ROS1: variants seen among roughly 807,000 people sequenced by gnomAD.
ROS1 encodes ROS proto-oncogene 1, receptor tyrosine kinase.
In ROS1, 263 loss-of-function variants were observed where a neutral mutation model predicts 273.5. The observed-to-expected ratio is 0.96, with a 90% CI of 0.87 to 1.06. The LOEUF (loss-of-function observed/expected upper bound fraction) is 1.06, where lower values mean the gene tolerates loss of function less well. Among genes scored for constraint, ROS1 ranks in the 50% least tolerant of loss-of-function variants. ROS1 has a pLI of 0.00. For synonymous variants in ROS1, 1,008 were observed against 954.1 expected, an observed-to-expected ratio of 1.06 and a Z score of -1.04; for missense variants, 2,833 against 2,751.1, an observed-to-expected ratio of 1.03 and a Z score of -0.67.
At chr6:117,348,248 A>G (rs1778533895) in intron 27 of ROS1, among the ~76,000 whole-genome samples, 1 of 151,966 alleles carries the variant, frequency 6.6e-6, no homozygotes, top group Non-Finnish European at 1.5e-5. Context: ...TTAATTATTG[A>G]TTCCACTTAT....
chr6:117,326,122 TATATAG>T, intron 34 of ROS1, 96 bp downstream of exon 34: 1 of 292,568 alleles, frequency 3.4e-6, no homozygotes, highest in Non-Finnish European at 5.9e-6. Context: ...TATATATATA[TATATAG>T]TCACCATTAT....
intron 3 of ROS1, among the ~76,000 whole-genome samples, chr6:117,415,657 C>T (rs1035278260): frequency 2.0e-4 from 30 of 152,160 alleles, no homozygotes; most frequent in Non-Finnish European, 4.1e-4. Flanking sequence ...AGCCAGGCTA[C>T]ATAATAAAAT....
Position 117,398,693 on chromosome 6 carries a change from A to AAAAAAAAAAAAAC in ROS1, c.605-1578_605-1577insGTTTTTTTTTTTT, listed in dbSNP as rs1554252569. ...GACCTTGTCTCAAAAAAAAAAAAAA[A>AAAAAAAAAAAAAC]AAAACTCGCGGTGACTCATGCTTGT... On this transcript the variant is annotated intron_variant, in intron 7 of 43. Transcript: ENST00000368507. 8.5e-5 allele frequency among the ~76,000 whole-genome samples: 12 copies of AAAAAAAAAAAAAC among 141,088 alleles called. 1 individual carries two copies. Among genetic ancestry groups the AAAAAAAAAAAAAC allele is most frequent in the Non-Finnish European group, 1.4e-4 (9 of 62,158 alleles). 92.6% of individuals were successfully genotyped at this position (141,088 alleles called of 152,430 possible).
At chr6:117,329,256 T>A (rs1776875506) in intron 33 of ROS1, 73 bp downstream of exon 33, 1 of 725,574 alleles carries the variant, frequency 1.4e-6, no homozygotes, top group African/African-American at 1.8e-5. Flanking sequence ...GCATAAATAG[T>A]GTTACTTTTG....
chr6:117,351,273 G>A (rs533511098), intron 27 of ROS1, among the ~76,000 whole-genome samples: 1 of 152,294 alleles, frequency 6.6e-6, no homozygotes, highest in Non-Finnish European at 1.5e-5. Context: ...GCTGGAGTGG[G>A]CTGGGGTTGG....
intron 32 of ROS1, among the ~76,000 whole-genome samples, chr6:117,333,611 C>T (rs1224173807): frequency 6.6e-6 from 1 of 152,166 alleles, no homozygotes; most frequent in Non-Finnish European, 1.5e-5. Context: ...CAAACTGAAT[C>T]CAGCAGCACA....
At chr6:117,310,029 C>T (rs1775415232) in intron 41 of ROS1, 52 bp downstream of exon 41, 1 of 1,461,314 alleles carries the variant, frequency 6.8e-7, no homozygotes, top group African/African-American at 1.4e-5. Context: ...TTAAAATCCC[C>T]TCTAATGTTT....
intron 1 of ROS1, among the ~76,000 whole-genome samples, chr6:117,425,094 TTA>T (rs1299758019): frequency 2.0e-5 from 3 of 152,202 alleles, no homozygotes; most frequent in African/African-American, 7.2e-5. Flanking sequence ...CTTTAAAATA[TTA>T]TTTTACATGG....
At chr6:117,401,617 T>TTATCG (rs1773937269) in intron 7 of ROS1, among the ~76,000 whole-genome samples, 1 of 152,094 alleles carries the variant, frequency 6.6e-6, no homozygotes, top group East Asian at 1.9e-4. Flanking sequence ...ACTTAATTAC[T>TTATCG]TATCGGACTG....
rs747744775 is a variant in ROS1 at position 117,365,069 on chromosome 6, G to A, written c.3094C>T (p.Pro1032Ser). The A allele has an allele frequency of 2.5e-6, 4 of 1,613,514 alleles. No homozygotes were observed. The East Asian group carries it at 6.7e-5, about 27-fold the overall frequency. The change falls in exon 21 of 44, where the codon CCT becomes TCT. Residue 1032 changes from proline (P) to serine (S), a missense_variant. Pro to Ser is a moderately conservative substitution (Grantham distance 74, BLOSUM62 -1). Transcript: ENST00000368507. ...GPKTSLSLRA[P>S]ETVPSAPENP... ...ATTTTAACCCCTGTACCTGTTTCAG[G>A]TGCTCGAAGTGACAGAGATGTTTTG...
At chr6:117,332,181 A>AAG (rs1562280287) in intron 32 of ROS1, among the ~76,000 whole-genome samples, 1 of 150,952 alleles carries the variant, frequency 6.6e-6, no homozygotes. Flanking sequence ...AAAAAAAAAA[A>AAG]GAGGGTTGCA....
rs2128637975 is a variant in ROS1 at position 117,353,065 on chromosome 6, C to T, written c.4228G>A (p.Ala1410Thr). Residue 1410 changes from alanine to threonine, a missense_variant, in exon 27 of 44, where the codon GCC (alanine) becomes ACC (threonine). Coordinates refer to ENST00000368507, the MANE Select transcript of ROS1 (RefSeq NM_001378902.1). ...QIYQAKKGNG[A>T]IVSQVKALRS... is the part of the protein sequence containing the mutation. ...AGGGCCTTCACCTGGGAAACGATGG[C>T]CCCATTTCCTTTCTTTGCCTGATAA... The T allele has an allele frequency of 6.2e-7, 1 of 1,614,076 alleles. No homozygotes were observed. Among genetic ancestry groups the T allele is most frequent in the Non-Finnish European group, 8.5e-7 (1 of 1,179,972 alleles).
At chr6:117,388,161 C>T (rs917466448) in intron 13 of ROS1, 169 bp from the exon 14 acceptor site, 1 of 1,029,792 alleles carries the variant, frequency 9.7e-7, no homozygotes, top group African/African-American at 1.6e-5. Context: ...GAGGCTAGGA[C>T]AGTGTTCATT....
chr6:117,329,588 C>A (rs1483377759), intron 32 of ROS1, 142 bp from the exon 33 acceptor site: 2 of 572,706 alleles, frequency 3.5e-6, no homozygotes, highest in Non-Finnish European at 6.1e-6. Context: ...CGACTAGAAG[C>A]AACTCCGTTC....
chr6:117,413,135 T>G (rs1775059393), intron 4 of ROS1, among the ~76,000 whole-genome samples: 1 of 152,238 alleles, frequency 6.6e-6, no homozygotes, highest in Non-Finnish European at 1.5e-5. Flanking sequence ...TTTAATTTTT[T>G]GTTTGTATTT....
chr6:117,332,566 T>G (rs1038978148), intron 32 of ROS1, among the ~76,000 whole-genome samples: 1 of 152,168 alleles, frequency 6.6e-6, no homozygotes, highest in Non-Finnish European at 1.5e-5. Flanking sequence ...CACATGGTAC[T>G]TATTCTAAAA....
chr6:117,384,687 T>A (rs1446997121), intron 16 of ROS1, among the ~76,000 whole-genome samples: 3 of 152,214 alleles, frequency 2.0e-5, no homozygotes, highest in African/African-American at 7.2e-5. Flanking sequence ...TTATTTTGCC[T>A]CTAGGTCTAA....
At position 117,416,273 on chromosome 6, in the gene ROS1, G is replaced by T; in HGVS notation, c.213C>A (p.Asn71Lys). ...TAATACTTACACACTTTAAAGCACA[G>T]TTTTTCTGATCTACAGAGTTCCAAA... Reference protein sequence around the residue: ...CHFWNSVDQKNCALKCNDTYA... With the variant: ...CHFWNSVDQKKCALKCNDTYA... Residue 71 changes from asparagine (N) to lysine (K), a missense_variant, in exon 3 of 44, where the codon AAC becomes AAA. By Grantham distance (94) the Asn-to-Lys change is moderately conservative. Coordinates refer to ENST00000368507, the MANE Select transcript of ROS1 (RefSeq NM_001378902.1). The T allele has an allele frequency of 6.3e-7, 1 of 1,594,082 alleles. No individual in the cohort carries two copies. The highest frequency in any genetic ancestry group is 8.6e-7 in the Non-Finnish European group (1 of 1,161,954).
chr6:117,358,887 A>C (rs376466377), intron 24 of ROS1, among the ~76,000 whole-genome samples: 11 of 152,086 alleles, frequency 7.2e-5, no homozygotes, highest in African/African-American at 2.7e-4. Context: ...CTCAGACTTA[A>C]CCCTCTCTAA....
Sources: gnomAD v4.1 joint callset for allele counts (sites outside exome capture counted in the v4.1 genomes callset) on GRCh38, gnomAD v4.1.1 for gene constraint, MANE v1.5 for transcripts, NCBI Gene and HGNC (gene_info 2026-07-23, HGNC 2026-07-21) for gene names.